Variants in OSBPL6 observed in about 807,000 individuals in gnomAD.
The protein encoded by OSBPL6 is oxysterol binding protein like 6, also known as oxysterol-binding protein-related protein 6.
OSBPL6 carries 49 observed loss-of-function variants against 125.8 expected under a neutral mutation model. That is an observed-to-expected ratio of 0.39 (90% CI 0.31 to 0.49). The LOEUF is 0.49. Among genes scored for constraint, OSBPL6 ranks in the 20% least tolerant of loss-of-function variants. The pLI is 0.88. For synonymous variants in OSBPL6, 394 were observed against 391.8 expected (o/e 1.01, Z -0.07); for missense variants, 986 against 1,135.4 (o/e 0.87, Z 1.89).
chr2:178,252,709 G>A (rs1287445471), intron 1 of OSBPL6, among the ~76,000 whole-genome samples: 8 of 152,150 alleles, frequency 5.3e-5, no homozygotes, highest in Admixed American at 5.2e-4. Context: ...GCAGATAGAT[G>A]TAAATCCTTA....
intron 1 of OSBPL6, among the ~76,000 whole-genome samples, chr2:178,270,545 C>G (rs1371988747): frequency 1.3e-5 from 2 of 152,160 alleles, no homozygotes; most frequent in Non-Finnish European, 2.9e-5. Context: ...CGACATGGTT[C>G]CAGACACGGG....
Position 178,204,808 on chromosome 2 carries a change from G to A in OSBPL6, c.-351+10134G>A, listed in dbSNP as rs76375152. On this transcript the variant is annotated intron_variant, in intron 1 of 24. Transcript: ENST00000190611. The stretch of plus-strand genomic sequence containing the variant: ...TACCATTGGAAGCCCACCTGAGAGG[G>A]AGAGTTACTCTAGCAATGCAGTTGA... 3.0e-4 allele frequency among the ~76,000 whole-genome samples: 45 copies of A among 152,268 alleles called. 1 individual carries two copies. In the East Asian group the frequency reaches 7.5e-3, roughly 26 times the overall value.
chr2:178,331,535 G>A lies in OSBPL6; in HGVS notation c.319-17G>A, dbSNP rs776867560. 4 of 1,613,966 alleles carry A rather than the reference G, an allele frequency of 2.5e-6. No homozygotes were observed. The highest frequency in any genetic ancestry group is 1.1e-5 in the South Asian group (1 of 91,066). On this transcript the variant is annotated splice_polypyrimidine_tract_variant and intron_variant, in intron 5 of 24. Coordinates refer to ENST00000190611, the MANE Select transcript of OSBPL6 (RefSeq NM_032523.4). ...TTCAAAATACAGACAGTAACTGGGG[G>A]TGTTTGGTTCTTGCAGCGTTTTTTT...
At chr2:178,217,698 G>A (rs2090148234) in intron 1 of OSBPL6, among the ~76,000 whole-genome samples, 1 of 152,164 alleles carries the variant, frequency 6.6e-6, no homozygotes, top group Admixed American at 6.5e-5. Flanking sequence ...AGGGAAGGCT[G>A]GTTGCCCCAC....
At chr2:178,198,711 T>A (rs1169172685) in intron 1 of OSBPL6, among the ~76,000 whole-genome samples, 1 of 152,144 alleles carries the variant, frequency 6.6e-6, no homozygotes, top group Non-Finnish European at 1.5e-5. Context: ...TTTCCTTATC[T>A]GTAATGTGGA....
chr2:178,378,148 C>T (rs756496164), intron 15 of OSBPL6, among the ~76,000 whole-genome samples: 12 of 152,050 alleles, frequency 7.9e-5, no homozygotes, highest in South Asian at 2.1e-4. Context: ...CTTTTGTATC[C>T]CTCTTTCCTC....
At chr2:178,318,006 G>A (rs13398164) in intron 3 of OSBPL6, among the ~76,000 whole-genome samples, 1 of 152,060 alleles carries the variant, frequency 6.6e-6, no homozygotes, top group Non-Finnish European at 1.5e-5. Context: ...TGGTTGCTGT[G>A]GTTTCCTCTG....
At chr2:178,259,839 A>G (rs1033023554) in intron 1 of OSBPL6, among the ~76,000 whole-genome samples, 7 of 152,192 alleles carry the variant, frequency 4.6e-5, no homozygotes, top group Non-Finnish European at 1.0e-4. Context: ...ATTGGAGAGA[A>G]GAGAGTCCAA....
At chr2:178,230,650 G>A (rs2090777839) in intron 1 of OSBPL6, 1 of 152,184 alleles carries the variant, frequency 6.6e-6, no homozygotes, top group Admixed American at 6.5e-5. Flanking sequence ...AGCCCTAGGT[G>A]TAACTGTTCA....
In OSBPL6 at chr2:178,297,261, G is replaced by A. The variant is rs1265495175; in HGVS notation, c.-155-8769G>A. On this transcript the variant is annotated intron_variant, in intron 2 of 24. Coordinates refer to ENST00000190611, the MANE Select transcript of OSBPL6 (RefSeq NM_032523.4). Reference sequence around the variant, plus strand: ...CAGATAGGAAACTCCAGTCTACAAAGCATGTGGATTATTTTGGGTTATCTT... The same window carrying A: ...CAGATAGGAAACTCCAGTCTACAAAACATGTGGATTATTTTGGGTTATCTT... Among the ~76,000 whole-genome samples the A allele has an allele frequency of 2.6e-5, 4 of 152,136 alleles. No homozygotes were observed. The East Asian group carries it at 5.8e-4, about 22-fold the overall frequency.
At chr2:178,378,687 AGTGCAG>A (rs1447305470) in intron 15 of OSBPL6, among the ~76,000 whole-genome samples, 3 of 152,252 alleles carry the variant, frequency 2.0e-5, no homozygotes, top group Non-Finnish European at 2.9e-5. Context: ...TGATTACAAT[AGTGCAG>A]AGCCTTGGCT....
intron 1 of OSBPL6, among the ~76,000 whole-genome samples, chr2:178,194,963 C>G (rs990932704): frequency 5.9e-5 from 9 of 152,138 alleles, no homozygotes; most frequent in African/African-American, 2.2e-4. Context: ...CCCCTCGTTG[C>G]CAGGGAATTC....
intron 1 of OSBPL6, among the ~76,000 whole-genome samples, chr2:178,246,278 G>A (rs1411002210): frequency 1.3e-5 from 2 of 152,102 alleles, no homozygotes; most frequent in African/African-American, 2.4e-5. Flanking sequence ...CTGAGTTCCC[G>A]TTTTCCACTC....
intron 8 of OSBPL6, among the ~76,000 whole-genome samples, chr2:178,335,411 A>G (rs1232417234): frequency 6.6e-6 from 1 of 152,114 alleles, no homozygotes; most frequent in African/African-American, 2.4e-5. Flanking sequence ...AAAGATTTCC[A>G]TTACATTTAT....
intron 13 of OSBPL6, among the ~76,000 whole-genome samples, chr2:178,362,656 C>T (rs941206001): frequency 2.6e-5 from 4 of 152,176 alleles, no homozygotes; most frequent in Non-Finnish European, 5.9e-5. Context: ...TGGAGCAGAT[C>T]CTGCTTGAAC....
At chr2:178,380,574 A>C (rs1389512504) in intron 15 of OSBPL6, among the ~76,000 whole-genome samples, 2 of 151,708 alleles carry the variant, frequency 1.3e-5, no homozygotes, top group African/African-American at 4.8e-5. Flanking sequence ...TGATGTTCCC[A>C]TATATTGCTG....
intron 2 of OSBPL6, among the ~76,000 whole-genome samples, chr2:178,305,095 AGTGTTCTG>A (rs1455634561): frequency 6.6e-6 from 1 of 152,120 alleles, no homozygotes. Flanking sequence ...AGCCTACACA[AGTGTTCTG>A]GTGTTCTGTA....
intron 1 of OSBPL6, among the ~76,000 whole-genome samples, chr2:178,199,412 C>A (rs1371776323): frequency 6.6e-6 from 1 of 152,096 alleles, no homozygotes; most frequent in Non-Finnish European, 1.5e-5. Flanking sequence ...TGGGTATTTA[C>A]TGCTAAGTGT....
At chr2:178,215,161 T>C (rs2090042725) in intron 1 of OSBPL6, among the ~76,000 whole-genome samples, 1 of 151,716 alleles carries the variant, frequency 6.6e-6, no homozygotes, top group South Asian at 2.1e-4. Context: ...TTGGGAATGG[T>C]AATGAAATGT....
Sources: allele counts gnomAD v4.1 joint callset (sites outside exome capture counted in the v4.1 genomes callset), GRCh38; gene constraint gnomAD v4.1.1; transcripts MANE v1.5; gene names NCBI Gene and HGNC (gene_info 2026-07-23, HGNC 2026-07-21).